Variants in NCAM2 observed in about 807,000 individuals in gnomAD.
NCAM2 encodes the protein N-CAM-2.
NCAM2 carries 30 observed loss-of-function variants against 98.1 expected under a neutral mutation model. The observed-to-expected ratio is 0.31, with a 90% confidence interval of 0.23 to 0.41. The LOEUF is 0.41. NCAM2 is among the 10% of genes least tolerant of loss of function. NCAM2 has a pLI of 1.00. For missense variants in NCAM2, 867 were observed against 1,005.8 expected (o/e 0.86, Z 1.87); for synonymous variants, 368 against 342.4 (o/e 1.07, Z -0.83).
intron 1 of NCAM2, among the ~76,000 whole-genome samples, chr21:21,248,151 G>A (rs941043651): frequency 6.6e-6 from 1 of 151,920 alleles, no homozygotes; most frequent in Non-Finnish European, 1.5e-5. Context: ...TGACAAAAAA[G>A]TATTATTTCC....
At chr21:21,211,418 A>C (rs1014964132) in intron 1 of NCAM2, among the ~76,000 whole-genome samples, 1 of 152,196 alleles carries the variant, frequency 6.6e-6, no homozygotes, top group Non-Finnish European at 1.5e-5. Context: ...TCCGATTCAA[A>C]TCTGTCTGAC....
chr21:21,478,543 TTA>T (rs1279880036), intron 15 of NCAM2, among the ~76,000 whole-genome samples: 1 of 151,750 alleles, frequency 6.6e-6, no homozygotes, highest in Non-Finnish European at 1.5e-5. Context: ...GAAAGCAGTT[TTA>T]TATGATTAAT....
intron 12 of NCAM2, among the ~76,000 whole-genome samples, chr21:21,449,339 G>A (rs530735571): frequency 2.6e-5 from 4 of 151,338 alleles, no homozygotes; most frequent in African/African-American, 7.3e-5. Flanking sequence ...TCCACGGGAG[G>A]AGAATGAAAG....
At chr21:21,027,750 A>G (rs1053215877) in intron 1 of NCAM2, among the ~76,000 whole-genome samples, 1 of 152,104 alleles carries the variant, frequency 6.6e-6, no homozygotes, top group South Asian at 2.1e-4. Context: ...AGAGCCCATT[A>G]TGCGTTAATA....
intron 1 of NCAM2, among the ~76,000 whole-genome samples, chr21:21,190,685 A>G (rs1376845018): frequency 6.6e-6 from 1 of 152,208 alleles, no homozygotes; most frequent in South Asian, 2.1e-4. Context: ...AAGAGACTCT[A>G]GAACAAGCCT....
chr21:21,149,371 C>A (rs2067378903), intron 1 of NCAM2, among the ~76,000 whole-genome samples: 1 of 152,030 alleles, frequency 6.6e-6, no homozygotes, highest in Non-Finnish European at 1.5e-5. Flanking sequence ...TTATTTAGAT[C>A]TCTTTTAACT....
At chr21:21,019,337 A>G (rs1014714668) in intron 1 of NCAM2, among the ~76,000 whole-genome samples, 3 of 152,190 alleles carry the variant, frequency 2.0e-5, no homozygotes, top group African/African-American at 4.8e-5. Context: ...TTCAAAATTT[A>G]TTTTTATTTG....
chr21:21,031,216 A>G (rs1038897278), intron 1 of NCAM2, among the ~76,000 whole-genome samples: 3 of 152,212 alleles, frequency 2.0e-5, no homozygotes, highest in African/African-American at 7.2e-5. Context: ...TTTACTGTTT[A>G]TGTTTTGGCC....
intron 9 of NCAM2, among the ~76,000 whole-genome samples, chr21:21,397,867 A>G (rs2076547120): frequency 6.6e-6 from 1 of 152,236 alleles, no homozygotes; most frequent in South Asian, 2.1e-4. Flanking sequence ...CACAACCACT[A>G]TGGAAAACTG....
intron 11 of NCAM2, among the ~76,000 whole-genome samples, chr21:21,429,519 T>A (rs1323379355): frequency 6.6e-6 from 1 of 152,186 alleles, no homozygotes; most frequent in Non-Finnish European, 1.5e-5. Context: ...CAGCACAGAT[T>A]GAAGAATTGG....
intron 8 of NCAM2, among the ~76,000 whole-genome samples, chr21:21,356,858 C>T (rs1288348550): frequency 6.6e-6 from 1 of 152,000 alleles, no homozygotes; most frequent in Non-Finnish European, 1.5e-5. Context: ...GGCGTGGTGG[C>T]ACATGCCTGT....
intron 1 of NCAM2, among the ~76,000 whole-genome samples, chr21:21,001,212 T>C (rs1270134881): frequency 6.6e-6 from 1 of 152,192 alleles, no homozygotes; most frequent in Non-Finnish European, 1.5e-5. Flanking sequence ...CTTAAGTGAA[T>C]GCCAATACTA....
In NCAM2 at chr21:21,477,476, G is replaced by A. The variant is rs1380246399; in HGVS notation, c.2077+5G>A. ...CAAAGCCCAACATTATTAAAGGTAA[G>A]CAAAACTATATTCTTTTTTAGACTG... On this transcript the variant is annotated splice_donor_5th_base_variant and intron_variant, in intron 15 of 17. Transcript: ENST00000400546. The A allele has an allele frequency of 1.9e-6, 3 of 1,577,364 alleles. No individual in the cohort carries two copies. The highest frequency in any genetic ancestry group is 2.6e-6 in the Non-Finnish European group (3 of 1,157,280).
At position 21,312,573 on chromosome 21, in the gene NCAM2, G is replaced by GA. The variant is rs59194852; in HGVS notation, c.620-11801dup. Among the ~76,000 whole-genome samples, 14 of 148,468 alleles carry GA rather than the reference G, an allele frequency of 9.4e-5. No homozygotes were observed. In the East Asian group the frequency reaches 2.6e-3, roughly 28 times the overall value. On this transcript the variant is annotated intron_variant, in intron 5 of 17. Coordinates refer to ENST00000400546, the MANE Select transcript of NCAM2 (RefSeq NM_004540.5). Reference sequence around the variant, plus strand: ...GTCAGCCTTATATTCACAGGAAAAAGAAAAAAAAACTTAATGTTGATATAT... The same window carrying GA: ...GTCAGCCTTATATTCACAGGAAAAAGAAAAAAAAAACTTAATGTTGATATAT...
At chr21:21,106,920 T>C (rs914150885) in intron 1 of NCAM2, among the ~76,000 whole-genome samples, 1 of 152,118 alleles carries the variant, frequency 6.6e-6, no homozygotes, top group African/African-American at 2.4e-5. Context: ...TTCTCAAAAA[T>C]TATTCTCCCA....
intron 9 of NCAM2, among the ~76,000 whole-genome samples, chr21:21,387,578 T>C (rs1016720044): frequency 3.9e-5 from 6 of 152,204 alleles, no homozygotes; most frequent in Non-Finnish European, 5.9e-5. Context: ...AGCCTCACAC[T>C]GTTCATATGG....
Position 21,200,411 on chromosome 21 carries a change from A to G in NCAM2, c.56-80167A>G, listed in dbSNP as rs961201611. Reference sequence around the variant, plus strand: ...CCAAGTAAGACAACCCCATGCCTGAAAAAAAAAAAAAAAAGCCTTGAAATC... The same window carrying G: ...CCAAGTAAGACAACCCCATGCCTGAGAAAAAAAAAAAAAAGCCTTGAAATC... On this transcript the variant is annotated intron_variant, in intron 1 of 17. Transcript: ENST00000400546. 5.0e-3 allele frequency among the ~76,000 whole-genome samples: 329 copies of G among 66,370 alleles called. 2 individuals are homozygous for G. Among genetic ancestry groups the G allele is most frequent in the African/African-American group, 0.01 (239 of 23,186 alleles). 43.5% of individuals were successfully genotyped at this position (66,370 alleles called of 152,430 possible). A position where few individuals can be genotyped will look rare whatever the true frequency, so the allele number is the denominator to read the frequency against.
At chr21:21,052,150 A>ATTTTTTTTTTTTTTTTTT (rs5842877) in intron 1 of NCAM2, among the ~76,000 whole-genome samples, 6 of 74,792 alleles carry the variant, frequency 8.0e-5, no homozygotes, top group African/African-American at 3.5e-4. Context: ...CATGATGGCC[A>ATTTTTTTTTTTTTTTTTT]TTTTTTTTTT....
chr21:21,043,797 T>G (rs7283753), intron 1 of NCAM2, among the ~76,000 whole-genome samples: 3,268 of 141,860 alleles, frequency 0.023, 108 homozygotes, highest in African/African-American at 0.081. Context: ...GAGCTTACAG[T>G]GAGCCGAGTT....
Sources: gnomAD v4.1 joint callset for allele counts (sites outside exome capture counted in the v4.1 genomes callset) on GRCh38, gnomAD v4.1.1 for gene constraint, MANE v1.5 for transcripts, NCBI Gene and HGNC (gene_info 2026-07-23, HGNC 2026-07-21) for gene names.